SPAG16: variants seen among roughly 807,000 people sequenced by gnomAD.
SPAG16 encodes sperm-associated antigen 16 protein.
Under a neutral mutation model 80.4 loss-of-function variants are expected in SPAG16, and 86 were observed. The ratio of observed to expected loss-of-function variants is 1.07; its 90% CI spans 0.90 to 1.28. The LOEUF (loss-of-function observed/expected upper bound fraction) is 1.28, where lower values mean the gene tolerates loss of function less well. SPAG16 is among the 50% of genes most tolerant of loss of function. The pLI is 0.00. For synonymous variants in SPAG16, 294 were observed against 265.9 expected, an observed-to-expected ratio of 1.11 and a Z score of -1.03; for missense variants, 870 against 765.3, an observed-to-expected ratio of 1.14 and a Z score of -1.61.
chr2:213,661,871 T>C (rs2063438491), intron 10 of SPAG16, among the ~76,000 whole-genome samples: 1 of 152,198 alleles, frequency 6.6e-6, no homozygotes, highest in African/African-American at 2.4e-5. Context: ...CTTATAATTA[T>C]CCAGAAGAAC....
Position 214,149,269 on chromosome 2 carries a change from A to G in SPAG16, c.1720+3A>G. ...TGAGGTGAATTTTGATTCATCAGGT[A>G]GGATCATTTTTGTCTAATGTTTCTG... On this transcript the variant is annotated splice_donor_region_variant and intron_variant, in intron 15 of 15. Transcript: ENST00000331683. The G allele has an allele frequency of 1.3e-6, 2 of 1,558,092 alleles. No individual in the cohort carries two copies. Among genetic ancestry groups the G allele is most frequent in the Non-Finnish European group, 1.7e-6 (2 of 1,152,970 alleles).
intron 9 of SPAG16, among the ~76,000 whole-genome samples, chr2:213,387,431 CTTTTTTTT>C (rs71060428): frequency 2.1e-4 from 10 of 47,898 alleles, no homozygotes; most frequent in South Asian, 1.4e-3. Flanking sequence ...AATGCATGCT[CTTTTTTTT>C]TTTTTTTTTT....
intron 15 of SPAG16, among the ~76,000 whole-genome samples, chr2:214,259,530 G>GC (rs1159005290): frequency 1.9e-5 from 2 of 107,516 alleles, no homozygotes; most frequent in Non-Finnish European, 1.8e-5. Context: ...ATTGTCACCT[G>GC]CCCCCCTCAC....
intron 10 of SPAG16, among the ~76,000 whole-genome samples, chr2:213,841,851 T>C (rs1243542532): frequency 6.6e-6 from 1 of 152,134 alleles, no homozygotes; most frequent in Non-Finnish European, 1.5e-5. Flanking sequence ...AAGTTATATG[T>C]ATAAGAATTT....
chr2:213,902,795 C>T (rs1028881881), intron 11 of SPAG16, among the ~76,000 whole-genome samples: 5 of 152,332 alleles, frequency 3.3e-5, no homozygotes, highest in Admixed American at 2.0e-4. Context: ...AGCAAAGTCC[C>T]TTCTGCCTAT....
chr2:213,625,724 C>T (rs1452788599), intron 10 of SPAG16, among the ~76,000 whole-genome samples: 1 of 152,002 alleles, frequency 6.6e-6, no homozygotes, highest in Non-Finnish European at 1.5e-5. Context: ...TGCTCTGTTG[C>T]CCAGGCTGGA....
chr2:214,080,110 A>G (rs987201907), intron 13 of SPAG16, among the ~76,000 whole-genome samples: 1 of 152,228 alleles, frequency 6.6e-6, no homozygotes, highest in Non-Finnish European at 1.5e-5. Context: ...TAAGAATTCA[A>G]TTATATCACT....
At chr2:213,549,897 G>A (rs776807544) in intron 10 of SPAG16, among the ~76,000 whole-genome samples, 2 of 151,988 alleles carry the variant, frequency 1.3e-5, no homozygotes, top group African/African-American at 2.4e-5. Context: ...GTTATTTGAG[G>A]GAGGTGACAT....
At chr2:213,805,973 TATTA>T (rs1052365639) in intron 10 of SPAG16, among the ~76,000 whole-genome samples, 10 of 152,202 alleles carry the variant, frequency 6.6e-5, no homozygotes, top group Admixed American at 5.9e-4. Flanking sequence ...ATATAATGGT[TATTA>T]ATTCTTGAAA....
chr2:213,413,025 T>C (rs886261485), intron 9 of SPAG16, among the ~76,000 whole-genome samples: 2 of 152,046 alleles, frequency 1.3e-5, no homozygotes, highest in African/African-American at 4.8e-5. Flanking sequence ...TATCAGGTAG[T>C]CTTGAGTTAT....
chr2:213,869,265 A>AAAAAAAAAAAATATATATATACG (rs1491244962), intron 11 of SPAG16, among the ~76,000 whole-genome samples: 1 of 24,836 alleles, frequency 4.0e-5, no homozygotes, highest in Non-Finnish European at 2.8e-4. Context: ...AAAAAAAAAA[A>AAAAAAAAAAAATATATATATACG]TATATATATA....
At chr2:213,741,629 A>G (rs887283329) in intron 10 of SPAG16, among the ~76,000 whole-genome samples, 1 of 152,202 alleles carries the variant, frequency 6.6e-6, no homozygotes, top group Non-Finnish European at 1.5e-5. Flanking sequence ...AATTCATAGC[A>G]AACTAAAATT....
intron 10 of SPAG16, among the ~76,000 whole-genome samples, chr2:213,668,033 T>C (rs1178988784): frequency 6.6e-6 from 1 of 151,982 alleles, no homozygotes; most frequent in African/African-American, 2.4e-5. Flanking sequence ...CTCCGCCTCC[T>C]GAGTTCGAGC....
chr2:213,709,191 C>T (rs1357279183), intron 10 of SPAG16, among the ~76,000 whole-genome samples: 2 of 152,062 alleles, frequency 1.3e-5, no homozygotes, highest in Non-Finnish European at 2.9e-5. Flanking sequence ...ATCCATGGCC[C>T]TCTTGCATAT....
intron 15 of SPAG16, among the ~76,000 whole-genome samples, chr2:214,212,402 C>T (rs998395211): frequency 1.3e-5 from 2 of 152,144 alleles, no homozygotes; most frequent in African/African-American, 4.8e-5. Flanking sequence ...ACCTCCCCGA[C>T]CACCCACTCC....
intron 10 of SPAG16, among the ~76,000 whole-genome samples, chr2:213,578,168 T>C (rs1049554766): frequency 1.3e-5 from 2 of 152,116 alleles, no homozygotes; most frequent in Non-Finnish European, 2.9e-5. Flanking sequence ...TAATCTGCCA[T>C]TTTAATCTAT....
In SPAG16 at chr2:214,205,599, C is replaced by A. The variant is rs143497966; in HGVS notation, c.1720+56333C>A. ...ATAAAAAATTTTGAAGCACATCTCA[C>A]CTAAAGATATTTATGCTTTAGTTGA... is the stretch of plus-strand genomic sequence containing the variant. On this transcript the variant is annotated intron_variant, in intron 15 of 15. Coordinates refer to ENST00000331683, the MANE Select transcript of SPAG16 (RefSeq NM_024532.5). 4.2e-3 allele frequency among the ~76,000 whole-genome samples: 632 copies of A among 151,958 alleles called. 3 individuals are homozygous for A. Among genetic ancestry groups the A allele is most frequent in the African/African-American group, 0.014 (588 of 41,444 alleles).
intron 15 of SPAG16, among the ~76,000 whole-genome samples, chr2:214,173,354 A>T (rs1040396350): frequency 1.3e-4 from 20 of 152,072 alleles, no homozygotes; most frequent in African/African-American, 4.6e-4. Flanking sequence ...TTAAATAGGG[A>T]ATCCTTTCCC....
At chr2:213,950,241 G>A (rs1051134288) in intron 12 of SPAG16, among the ~76,000 whole-genome samples, 2 of 152,048 alleles carry the variant, frequency 1.3e-5, no homozygotes, top group African/African-American at 4.8e-5. Context: ...CCTGTGGCCC[G>A]CAGCAGTCTT....
Sources: allele counts gnomAD v4.1 joint callset (sites outside exome capture counted in the v4.1 genomes callset), GRCh38; gene constraint gnomAD v4.1.1; transcripts MANE v1.5; gene names NCBI Gene and HGNC (gene_info 2026-07-23, HGNC 2026-07-21).